The following LRRC8B variants were observed in gnomAD, a reference collection of about 807,000 sequenced individuals.
LRRC8B encodes the protein leucine rich repeat containing 8 VRAC subunit B.
LRRC8B carries 23 observed loss-of-function variants against 58.8 expected under a neutral mutation model. The observed-to-expected ratio is 0.39, with a 90% CI of 0.28 to 0.55. LRRC8B has a LOEUF of 0.55. LRRC8B is among the 20% of genes least tolerant of loss of function. The probability of loss-of-function intolerance (pLI) is 0.62; values close to 1 mark genes in which losing one functional copy is unlikely to be tolerated. For missense variants in LRRC8B, 694 were observed against 936.0 expected, an observed-to-expected ratio of 0.74 and a Z score of 3.37; for synonymous variants, 359 against 374.1, an observed-to-expected ratio of 0.96 and a Z score of 0.47.
intron 1 of LRRC8B, among the ~76,000 whole-genome samples, chr1:89,530,694 A>T (rs925318537): frequency 6.6e-6 from 1 of 152,226 alleles, no homozygotes; most frequent in Non-Finnish European, 1.5e-5. Context: ...GATGGGAAGT[A>T]TGAGCAGTGT....
chr1:89,526,100 G>T (rs1649674782), intron 1 of LRRC8B, among the ~76,000 whole-genome samples: 1 of 152,212 alleles, frequency 6.6e-6, no homozygotes, highest in South Asian at 2.1e-4. Flanking sequence ...CTAAACCTAG[G>T]TGTAGGAGTG....
intron 1 of LRRC8B, among the ~76,000 whole-genome samples, chr1:89,544,362 CAGTGTGCTGGG>C (rs1651246130): frequency 6.6e-6 from 1 of 152,100 alleles, no homozygotes; most frequent in Non-Finnish European, 1.5e-5. Context: ...GCTTTATTGT[CAGTGTGCTGGG>C]AATTTTGGAA....
At chr1:89,541,505 A>T (rs1650970600) in intron 1 of LRRC8B, among the ~76,000 whole-genome samples, 1 of 151,150 alleles carries the variant, frequency 6.6e-6, no homozygotes, top group Non-Finnish European at 1.5e-5. Context: ...AGGTCAGGAG[A>T]TCGAGACCAT....
chr1:89,542,561 A>G (rs1255017322), intron 1 of LRRC8B, among the ~76,000 whole-genome samples: 1 of 152,202 alleles, frequency 6.6e-6, no homozygotes, highest in Non-Finnish European at 1.5e-5. Context: ...TGTTCATTCC[A>G]TGGAGCTAAG....
intron 1 of LRRC8B, among the ~76,000 whole-genome samples, chr1:89,547,880 G>A (rs754152873): frequency 5.1e-4 from 77 of 152,162 alleles, no homozygotes; most frequent in Non-Finnish European, 9.8e-4. Flanking sequence ...TACAAATAGG[G>A]AAAAATGAAT....
rs563177340 is a variant in LRRC8B at position 89,595,729 on chromosome 1, A to T, written c.*2686A>T. ...GGTAGCCCTGATGCAAGGAAAAATG[A>T]GGCTACTACTTCACATAAAAAATAG... On this transcript the variant is annotated 3_prime_UTR_variant, in exon 6 of 6. Coordinates refer to ENST00000330947, the MANE Select transcript of LRRC8B (RefSeq NM_001369817.2). 3 of 152,284 alleles carry T rather than the reference A, an allele frequency of 2.0e-5. No individual in the cohort carries two copies. The highest frequency in any genetic ancestry group is 7.2e-5 in the African/African-American group (3 of 41,586). 9.4% of individuals were successfully genotyped at this position (152,284 alleles called of 1,614,324 possible). A position where few individuals can be genotyped will look rare whatever the true frequency, so the allele number is the denominator to read the frequency against.
intron 1 of LRRC8B, among the ~76,000 whole-genome samples, chr1:89,566,690 A>T (rs943175167): frequency 2.6e-4 from 39 of 152,266 alleles, no homozygotes; most frequent in Admixed American, 1.3e-3. Flanking sequence ...ACTACAAAAA[A>T]GTTTGTTTTG....
chr1:89,536,539 C>T (rs1327159340), intron 1 of LRRC8B, among the ~76,000 whole-genome samples: 2 of 152,142 alleles, frequency 1.3e-5, no homozygotes, highest in African/African-American at 4.8e-5. Context: ...GCACTGTTTA[C>T]AGGCACAGGG....
At position 89,559,615 on chromosome 1, in the gene LRRC8B, AAT is replaced by A. The variant is rs1553156608; in HGVS notation, c.-240-8618_-240-8617del. Among the ~76,000 whole-genome samples the A allele has an allele frequency of 5.3e-3, 743 of 141,356 alleles. 3 individuals carry two copies. Among genetic ancestry groups the A allele is most frequent in the Non-Finnish European group, 8.2e-3 (525 of 64,100 alleles). The allele number at this position is 141,356 out of a possible 152,430, so 92.7% of individuals were successfully genotyped here. ...TGAGACCCTGTCTCAAAAAAAAAAAAATATATATATATATACACACACACACA... is the reference window on the plus strand; with the variant it reads ...TGAGACCCTGTCTCAAAAAAAAAAAAATATATATATATACACACACACACA... On this transcript the variant is annotated intron_variant, in intron 1 of 5. Coordinates refer to ENST00000330947, the MANE Select transcript of LRRC8B (RefSeq NM_001369817.2).
intron 1 of LRRC8B, among the ~76,000 whole-genome samples, chr1:89,548,788 G>T (rs1167317520): frequency 6.6e-6 from 1 of 152,052 alleles, no homozygotes; most frequent in Non-Finnish European, 1.5e-5. Context: ...GGAGAAACTG[G>T]GAGCCTTTGT....
intron 1 of LRRC8B, among the ~76,000 whole-genome samples, chr1:89,531,226 T>G (rs1156831613): frequency 6.6e-6 from 1 of 152,204 alleles, no homozygotes; most frequent in Non-Finnish European, 1.5e-5. Flanking sequence ...TTCTGAATCA[T>G]GTAGGGAAGT....
In LRRC8B at chr1:89,596,022, G is replaced by A. The variant is rs941709308; in HGVS notation, c.*2979G>A. The A allele has an allele frequency of 6.6e-6, 1 of 151,892 alleles. No individual in the cohort carries two copies. The highest frequency in any genetic ancestry group is 1.5e-5 in the Non-Finnish European group (1 of 67,928). The allele number at this position is 151,892 out of a possible 1,614,324, so 9.4% of individuals were successfully genotyped here. A position where few individuals can be genotyped will look rare whatever the true frequency, so the allele number is the denominator to read the frequency against. On this transcript the variant is annotated 3_prime_UTR_variant, in exon 6 of 6. Transcript: ENST00000330947. ...ACACAGACACACATACTTCATATAT[G>A]CAAATTATAGCATTAGTTTTTGATA...
At chr1:89,540,334 A>C (rs1333160652) in intron 1 of LRRC8B, among the ~76,000 whole-genome samples, 2 of 152,058 alleles carry the variant, frequency 1.3e-5, no homozygotes, top group Non-Finnish European at 2.9e-5. Context: ...AACTCCTTCT[A>C]CCTCTAAATT....
In LRRC8B at chr1:89,597,474, A is replaced by C. The variant is rs1353741881; in HGVS notation, c.*4431A>C. On this transcript the variant is annotated 3_prime_UTR_variant, in exon 6 of 6. Transcript: ENST00000330947. Reference sequence around the variant, plus strand: ...AGTTAGAATGGATGTGTTCGTGCATATATATGTTGTATTTAAATATTAATG... The same window carrying C: ...AGTTAGAATGGATGTGTTCGTGCATCTATATGTTGTATTTAAATATTAATG... 2 of 152,196 alleles carry C rather than the reference A, an allele frequency of 1.3e-5. No homozygotes were observed. The highest frequency in any genetic ancestry group is 2.9e-5 in the Non-Finnish European group (2 of 68,018). The allele number at this position is 152,196 out of a possible 1,614,324, so 9.4% of individuals were successfully genotyped here. A position where few individuals can be genotyped will look rare whatever the true frequency, so the allele number is the denominator to read the frequency against.
chr1:89,537,632 C>T (rs569749909), intron 1 of LRRC8B, among the ~76,000 whole-genome samples: 3 of 152,172 alleles, frequency 2.0e-5, no homozygotes, highest in South Asian at 4.2e-4. Context: ...ACCACTACAC[C>T]GGGCTAATTT....
intron 1 of LRRC8B, among the ~76,000 whole-genome samples, chr1:89,529,258 T>G (rs1478741834): frequency 6.6e-6 from 1 of 152,208 alleles, no homozygotes; most frequent in African/African-American, 2.4e-5. Flanking sequence ...ACAACATCAC[T>G]GGCCCCCAAA....
chr1:89,584,366 A>G lies in LRRC8B; in HGVS notation c.1716A>G (p.Gly572=), dbSNP rs554338976. The G allele has an allele frequency of 6.2e-6, 10 of 1,614,154 alleles. No homozygotes were observed. The South Asian group carries it at 1.1e-4, about 18-fold the overall frequency. Residue 572 remains glycine (G), a synonymous_variant, in exon 5 of 6, where the codon GGA becomes GGG. Transcript: ENST00000330947. ...AGAAACTGTCCCTTGATAATGAGGG[A>G]AGCAAACTGGTTGTGTTGAACAACT... ...SLQKLSLDNE[G]SKLVVLNNLK...
intron 1 of LRRC8B, among the ~76,000 whole-genome samples, chr1:89,541,560 C>A (rs913126472): frequency 2.7e-5 from 4 of 150,274 alleles, no homozygotes; most frequent in African/African-American, 4.9e-5. Flanking sequence ...AAATACAAAA[C>A]ATTAGCCGGG....
chr1:89,585,142 G>T (rs1189647630), intron 5 of LRRC8B, among the ~76,000 whole-genome samples: 1 of 152,116 alleles, frequency 6.6e-6, no homozygotes, highest in East Asian at 1.9e-4. Flanking sequence ...AAGGTTTTAG[G>T]TATTTAGGGA....
Sources: gnomAD v4.1 joint callset for allele counts (sites outside exome capture counted in the v4.1 genomes callset) on GRCh38, gnomAD v4.1.1 for gene constraint, MANE v1.5 for transcripts, NCBI Gene and HGNC (gene_info 2026-07-23, HGNC 2026-07-21) for gene names.